SMOC2: variants seen among roughly 807,000 people sequenced by gnomAD.
SMOC2 encodes SPARC-related modular calcium-binding protein 2.
SMOC2 carries 39 observed loss-of-function variants against 61.4 expected under a neutral mutation model. The observed-to-expected ratio is 0.64, with a 90% confidence interval of 0.49 to 0.83. The LOEUF (loss-of-function observed/expected upper bound fraction) is 0.83, where lower values mean the gene tolerates loss of function less well. SMOC2 is among the 40% of genes least tolerant of loss of function. SMOC2 has a pLI of 0.00. For missense variants in SMOC2, 556 were observed against 592.9 expected (o/e 0.94, Z 0.65); for synonymous variants, 247 against 239.9 (o/e 1.03, Z -0.27).
chr6:168,446,839 A>G (rs947661822), intron 1 of SMOC2, among the ~76,000 whole-genome samples: 2 of 152,224 alleles, frequency 1.3e-5, no homozygotes, highest in Non-Finnish European at 2.9e-5. Flanking sequence ...AAATTTTATA[A>G]TATCTGGCTT....
intron 12 of SMOC2, chr6:168,665,181 T>C (rs1787630034): frequency 5.0e-6 from 1 of 200,934 alleles, no homozygotes; most frequent in Non-Finnish European, 1.0e-5. Context: ...GCAATCACTG[T>C]ACTCATGCGC....
At chr6:168,606,630 T>C (rs1288043147) in intron 8 of SMOC2, among the ~76,000 whole-genome samples, 2 of 152,180 alleles carry the variant, frequency 1.3e-5, no homozygotes, top group African/African-American at 2.4e-5. Flanking sequence ...CCTAAAGTGA[T>C]CTCTGTGAAG....
Position 168,667,738 on chromosome 6 carries a change from A to G in SMOC2, c.*1300A>G, listed in dbSNP as rs1029492976. 2 of 152,130 alleles carry G rather than the reference A, an allele frequency of 1.3e-5. No homozygotes were observed. The highest frequency in any genetic ancestry group is 4.8e-5 in the African/African-American group (2 of 41,436). 9.4% of individuals were successfully genotyped at this position (152,130 alleles called of 1,614,324 possible). On this transcript the variant is annotated 3_prime_UTR_variant, in exon 13 of 13. Coordinates refer to ENST00000356284, the MANE Select transcript of SMOC2 (RefSeq NM_001166412.2). ...TTGGAAAAAGATCTTCATGGCCCCA[A>G]ATCCCCTGAGACATGCCTTGTAGAA... is the stretch of plus-strand genomic sequence containing the variant.
chr6:168,562,274 A>G (rs74738326), intron 7 of SMOC2, among the ~76,000 whole-genome samples: 11,854 of 33,150 alleles, frequency 0.36, 1,066 homozygotes, highest in South Asian at 0.46. Flanking sequence ...CCTGAGACAC[A>G]AGGCTCTCAC....
At chr6:168,617,641 G>A (rs538094503) in intron 9 of SMOC2, among the ~76,000 whole-genome samples, 16 of 152,298 alleles carry the variant, frequency 1.1e-4, no homozygotes, top group African/African-American at 3.6e-4. Context: ...TCCTCCAGGC[G>A]AGTTTCCAAA....
chr6:168,535,383 A>T lies in SMOC2; in HGVS notation c.463+7656A>T, dbSNP rs554803263. Among the ~76,000 whole-genome samples the T allele has an allele frequency of 5.7e-4, 87 of 152,326 alleles. No individual in the cohort carries two copies. Among genetic ancestry groups the T allele is most frequent in the African/African-American group, 1.9e-3 (78 of 41,564 alleles). ...TTTTTTCACTATATGCAGCTACAAC[A>T]GTTAAATGTTGCAAAGATTTATGAA... On this transcript the variant is annotated intron_variant, in intron 4 of 12. Coordinates refer to ENST00000356284, the MANE Select transcript of SMOC2 (RefSeq NM_001166412.2). The surrounding 1 kb of genome is among the most constrained non-coding windows in gnomAD (Gnocchi z 4.6).
intron 9 of SMOC2, among the ~76,000 whole-genome samples, chr6:168,647,134 A>G (rs1488394683): frequency 3.3e-5 from 5 of 152,196 alleles, no homozygotes; most frequent in African/African-American, 1.2e-4. Context: ...GAGACTTCTG[A>G]ACTCAGTTCA....
At chr6:168,581,771 A>AT (rs1396803947) in intron 7 of SMOC2, among the ~76,000 whole-genome samples, 9 of 152,198 alleles carry the variant, frequency 5.9e-5, no homozygotes, top group Admixed American at 2.0e-4. Flanking sequence ...CCTGCCTGGG[A>AT]CCCCGCTGCC....
At chr6:168,660,924 G>C (rs549974758) in intron 11 of SMOC2, among the ~76,000 whole-genome samples, 2 of 152,208 alleles carry the variant, frequency 1.3e-5, no homozygotes, top group South Asian at 2.1e-4. Context: ...CTCTTCTTCA[G>C]ATCCCTCTGA....
chr6:168,511,703 A>G (rs1001841811), intron 2 of SMOC2, among the ~76,000 whole-genome samples: 1 of 151,710 alleles, frequency 6.6e-6, no homozygotes, highest in African/African-American at 2.4e-5. Flanking sequence ...CTCAACCCCT[A>G]TGCATTTATC....
chr6:168,660,208 G>T (rs191082670), intron 11 of SMOC2, among the ~76,000 whole-genome samples: 21 of 152,260 alleles, frequency 1.4e-4, no homozygotes, highest in Non-Finnish European at 1.9e-4. Context: ...CCATGGATTG[G>T]GTTCTGATAG....
chr6:168,496,970 C>G (rs920569640), intron 1 of SMOC2, among the ~76,000 whole-genome samples: 1 of 152,202 alleles, frequency 6.6e-6, no homozygotes, highest in African/African-American at 2.4e-5. Flanking sequence ...CTCCTCCAGG[C>G]GAGGGGAAGA....
chr6:168,556,379 C>T (rs554156424), intron 7 of SMOC2, among the ~76,000 whole-genome samples: 120 of 152,248 alleles, frequency 7.9e-4, no homozygotes, highest in African/African-American at 2.6e-3. Flanking sequence ...GGCTCTGCAC[C>T]CTCGGTCCCC....
At chr6:168,502,831 A>G (rs1308030913) in intron 1 of SMOC2, among the ~76,000 whole-genome samples, 14 of 151,994 alleles carry the variant, frequency 9.2e-5, no homozygotes, top group African/African-American at 3.1e-4. Flanking sequence ...CAGTGGCACA[A>G]TCTTGGCTCA....
rs754482354 is a variant in SMOC2, at chr6:168,653,135, G to T, written c.1192G>T (p.Val398Leu). ...CVKKFVEYCD[V>L]NNDKSISVQE... The stretch of plus-strand genomic sequence containing the variant: ...GAAGAAGTTTGTTGAATACTGTGAC[G>T]TGAATAATGACAAATCCATCTCCGT... The change falls in exon 11 of 13, where the codon GTG becomes TTG. Residue 398 changes from valine to leucine, a missense_variant. By Grantham distance (32) the Val-to-Leu change is conservative (BLOSUM62 1). Transcript: ENST00000356284. 4 of 1,614,188 alleles carry T rather than the reference G, an allele frequency of 2.5e-6. No homozygotes were observed. The Admixed American group carries it at 5.0e-5, about 20-fold the overall frequency.
At chr6:168,587,005 T>C (rs1785061760) in intron 7 of SMOC2, among the ~76,000 whole-genome samples, 1 of 152,232 alleles carries the variant, frequency 6.6e-6, no homozygotes, top group Non-Finnish European at 1.5e-5. Flanking sequence ...CTACACCTAG[T>C]CTACCAAGAG....
chr6:168,507,209 C>T (rs973501881), intron 1 of SMOC2, among the ~76,000 whole-genome samples: 11 of 152,172 alleles, frequency 7.2e-5, no homozygotes, highest in Non-Finnish European at 1.5e-4. Flanking sequence ...CATCTCCTCA[C>T]TTAGGGTTTC....
chr6:168,442,950 C>T (rs990025715), intron 1 of SMOC2, among the ~76,000 whole-genome samples: 1 of 152,244 alleles, frequency 6.6e-6, no homozygotes, highest in Non-Finnish European at 1.5e-5. Flanking sequence ...AGGATACTCA[C>T]TGGAGGCATT....
chr6:168,469,583 A>T (rs1423147274), intron 1 of SMOC2, among the ~76,000 whole-genome samples: 1 of 152,218 alleles, frequency 6.6e-6, no homozygotes, highest in Non-Finnish European at 1.5e-5. Context: ...AGCAATTCAA[A>T]TCATCGTGCA....
Sources: gnomAD v4.1 joint callset for allele counts (sites outside exome capture counted in the v4.1 genomes callset) on GRCh38, gnomAD v4.1.1 for gene constraint, Gnocchi (gnomAD v3.1) non-coding constraint, MANE v1.5 for transcripts, NCBI Gene and HGNC (gene_info 2026-07-23, HGNC 2026-07-21) for gene names.